Variants in DNAH5 observed in about 807,000 individuals in gnomAD.
DNAH5 encodes axonemal beta dynein heavy chain 5.
In DNAH5, 372 loss-of-function variants were observed where a neutral mutation model predicts 518.2. That is an observed-to-expected ratio of 0.72 (90% CI 0.66 to 0.78). The LOEUF is 0.78. Among genes scored for constraint, DNAH5 ranks in the 30% least tolerant of loss-of-function variants. The pLI is 0.00. For synonymous variants in DNAH5, 2,039 were observed against 2,025.9 expected, an observed-to-expected ratio of 1.01 and a Z score of -0.17; for missense variants, 5,523 against 5,687.0, an observed-to-expected ratio of 0.97 and a Z score of 0.93.
At chr5:13,742,821 A>G (rs1748781195) in intron 65 of DNAH5, among the ~76,000 whole-genome samples, 1 of 152,100 alleles carries the variant, frequency 6.6e-6, no homozygotes, top group Non-Finnish European at 1.5e-5. Flanking sequence ...AATTGAAAAT[A>G]CTATTTGGAA....
Position 13,988,053 on chromosome 5 carries a change from C to T in DNAH5, c.12+23595G>A, listed in dbSNP as rs1783186781. On this transcript the variant is annotated intron_variant, in intron 1 of 78. Transcript: ENST00000681290. Reference sequence around the variant, plus strand: ...GGTGGTGAGCTTTCACCATCTTTGCCTGTTTAAAGGTTCACTCCCGGGTCG... The same window carrying T: ...GGTGGTGAGCTTTCACCATCTTTGCTTGTTTAAAGGTTCACTCCCGGGTCG... Among the ~76,000 whole-genome samples the T allele has an allele frequency of 2.0e-5, 3 of 152,046 alleles. No homozygotes were observed. In the South Asian group the frequency reaches 6.2e-4, roughly 32 times the overall value.
chr5:13,799,109 A>G (rs1758320079), intron 47 of DNAH5, among the ~76,000 whole-genome samples: 1 of 152,044 alleles, frequency 6.6e-6, no homozygotes, highest in Admixed American at 6.6e-5. Flanking sequence ...AAAATTTTTC[A>G]CTATTTTTAA....
chr5:13,956,379 T>C (rs1332934723), intron 1 of DNAH5, among the ~76,000 whole-genome samples: 1 of 152,264 alleles, frequency 6.6e-6, no homozygotes, highest in East Asian at 1.9e-4. Context: ...AAACATCATC[T>C]ATACTGTGTA....
intron 56 of DNAH5, 28 bp downstream of exon 56, chr5:13,770,721 T>C (rs776160854): frequency 1.9e-6 from 3 of 1,600,182 alleles, no homozygotes; most frequent in Non-Finnish European, 8.6e-7. Context: ...GGCTTTAATA[T>C]AGCTTTGTAT....
intron 42 of DNAH5, among the ~76,000 whole-genome samples, chr5:13,815,122 G>A (rs1364433136): frequency 6.6e-6 from 1 of 152,156 alleles, no homozygotes; most frequent in Non-Finnish European, 1.5e-5. Flanking sequence ...TAGGGGCTGA[G>A]GATATTGTGG....
chr5:13,766,176 T>C lies in DNAH5; in HGVS notation c.9901A>G (p.Ile3301Val). The C allele has an allele frequency of 6.2e-7, 1 of 1,614,164 alleles. No individual in the cohort carries two copies. Among genetic ancestry groups the C allele is most frequent in the Non-Finnish European group, 8.5e-7 (1 of 1,180,008 alleles). Residue 3301 changes from isoleucine (I) to valine (V), a missense_variant, in exon 59 of 79, where the codon ATC becomes GTC. Physicochemically the swap from Ile to Val is conservative, Grantham distance 29. Transcript: ENST00000265104. ...LEEAEAALQT[I>V]RPSDIATVRT... is the part of the protein sequence containing the mutation. ...ACAGTGGCGATGTCCGAAGGCCTGA[T>C]GGTCTGGGGGATGAAAGGAACGATC...
At chr5:13,857,427 G>T (rs7715556) in intron 30 of DNAH5, among the ~76,000 whole-genome samples, 57,614 of 151,950 alleles carry the variant, frequency 0.38, 11,162 homozygotes, top group South Asian at 0.47. Flanking sequence ...CATAAAAATG[G>T]CTATACTGCA....
At chr5:13,744,885 A>G (rs1274040526) in intron 65 of DNAH5, among the ~76,000 whole-genome samples, 1 of 152,136 alleles carries the variant, frequency 6.6e-6, no homozygotes, top group Non-Finnish European at 1.5e-5. Context: ...ACTTTACACT[A>G]GTAACCAAAA....
At chr5:13,839,568 T>A in intron 34 of DNAH5, 40 bp from the exon 35 acceptor site, 1 of 1,531,854 alleles carries the variant, frequency 6.5e-7, no homozygotes, top group East Asian at 2.2e-5. Flanking sequence ...CTGATGAGAA[T>A]CACTCATTAA....
At chr5:13,804,026 C>T (rs765549454) in intron 47 of DNAH5, among the ~76,000 whole-genome samples, 1 of 151,786 alleles carries the variant, frequency 6.6e-6, no homozygotes, top group Non-Finnish European at 1.5e-5. Flanking sequence ...TTAATTTTTG[C>T]TTTCTTCTTT....
chr5:13,715,891 T>C (rs1744219919), intron 74 of DNAH5, among the ~76,000 whole-genome samples: 2 of 152,320 alleles, frequency 1.3e-5, no homozygotes, highest in African/African-American at 4.8e-5. Context: ...ATCCCGTGGA[T>C]AGAGGCCTGG....
At chr5:13,714,719 A>C in intron 74 of DNAH5, 99 bp from the exon 75 acceptor site, 4 of 1,144,836 alleles carry the variant, frequency 3.5e-6, no homozygotes, top group Non-Finnish European at 5.1e-6. Context: ...GAGGGTATGC[A>C]TTTACTTAAG....
chr5:13,804,736 T>C (rs973163511), intron 47 of DNAH5, among the ~76,000 whole-genome samples: 4 of 152,198 alleles, frequency 2.6e-5, no homozygotes, highest in Non-Finnish European at 4.4e-5. Context: ...GCCATGTGTA[T>C]CAGATAATGG....
chr5:13,793,416 A>G, intron 49 of DNAH5, 99 bp downstream of exon 49: 1 of 965,992 alleles, frequency 1.0e-6, no homozygotes, highest in South Asian at 1.3e-5. Flanking sequence ...GGAGCCACCC[A>G]GTGCTCTTTC....
intron 65 of DNAH5, among the ~76,000 whole-genome samples, chr5:13,743,034 G>A (rs1201612426): frequency 6.6e-6 from 1 of 151,984 alleles, no homozygotes; most frequent in Non-Finnish European, 1.5e-5. Context: ...TTAAACATTT[G>A]TATTAAACAA....
At chr5:13,761,003 C>T (rs1443826945) in intron 60 of DNAH5, among the ~76,000 whole-genome samples, 1 of 152,156 alleles carries the variant, frequency 6.6e-6, no homozygotes, top group African/African-American at 2.4e-5. Flanking sequence ...ATGCTAGATA[C>T]TTGTAAGAAT....
intron 55 of DNAH5, 99 bp downstream of exon 55, chr5:13,776,340 G>C: frequency 2.0e-6 from 3 of 1,489,092 alleles, no homozygotes; most frequent in Non-Finnish European, 9.4e-7. Context: ...CCTGGAGCCT[G>C]CCTGGAGATC....
chr5:13,871,857 T>C, intron 22 of DNAH5, 92 bp from the exon 23 acceptor site: 3 of 1,137,260 alleles, frequency 2.6e-6, no homozygotes, highest in South Asian at 1.3e-5. Context: ...GTGGTTCCTA[T>C]GGATTTATTA....
At chr5:13,777,402 G>A (rs780691837) in intron 53 of DNAH5, 47 bp from the exon 54 acceptor site, 1 of 1,576,534 alleles carries the variant, frequency 6.3e-7, no homozygotes, top group Non-Finnish European at 8.7e-7. Flanking sequence ...ATTTTCATGA[G>A]AGGGAAAGAA....
Sources: gnomAD v4.1 joint callset for allele counts (sites outside exome capture counted in the v4.1 genomes callset) on GRCh38, gnomAD v4.1.1 for gene constraint, MANE v1.5 for transcripts, NCBI Gene and HGNC (gene_info 2026-07-23, HGNC 2026-07-21) for gene names.